PREX1: variants seen among roughly 807,000 people sequenced by gnomAD.
The protein encoded by PREX1 is phosphatidylinositol 3,4,5-trisphosphate-dependent Rac exchanger 1 protein.
PREX1 carries 41 observed loss-of-function variants against 198.3 expected under a neutral mutation model. That is an observed-to-expected ratio of 0.21 (90% confidence interval 0.16 to 0.27). The LOEUF (loss-of-function observed/expected upper bound fraction) is 0.27. Among genes scored for constraint, PREX1 ranks in the 10% least tolerant of loss-of-function variants. The probability of loss-of-function intolerance (pLI) is 1.00; values close to 1 mark genes in which losing one functional copy is unlikely to be tolerated. For missense variants in PREX1, 1,620 were observed against 2,200.7 expected (o/e 0.74, Z 5.28); for synonymous variants, 843 against 887.2 (o/e 0.95, Z 0.89).
At chr20:48,856,478 T>C in the PREX1 span, among the ~76,000 whole-genome samples, 44 of 152,272 alleles carry the variant, frequency 2.9e-4, no homozygotes, top group African/African-American at 9.9e-4. Flanking sequence ...CTTCAAGGAA[T>C]GGAAACAGCA....
At chr20:48,757,071 T>C (rs1460653981) in intron 1 of PREX1, among the ~76,000 whole-genome samples, 2 of 152,174 alleles carry the variant, frequency 1.3e-5, no homozygotes, top group Non-Finnish European at 2.9e-5. Flanking sequence ...ATGGGAATTA[T>C]GGGAGCTACA....
intron 3 of PREX1, among the ~76,000 whole-genome samples, chr20:48,737,608 A>G (rs1002707282): frequency 4.6e-5 from 7 of 152,320 alleles, no homozygotes; most frequent in South Asian, 2.1e-4. Context: ...CCCAGGGACC[A>G]TAAGTGAGCA....
Position 48,827,371 on chromosome 20 carries a change from G to A in PREX1, c.219+271C>T, listed in dbSNP as rs1285318236. Among the ~76,000 whole-genome samples, 2 of 152,372 alleles carry A rather than the reference G, an allele frequency of 1.3e-5. No individual in the cohort carries two copies. Among genetic ancestry groups the A allele is most frequent in the South Asian group, 2.1e-4 (1 of 4,828 alleles). ...AATTTTAAAACTATTTGAAAGGCGG[G>A]GACGGGGAAGAAAAGACAAAAGGGC... is the stretch of plus-strand genomic sequence containing the variant. On this transcript the variant is annotated intron_variant, in intron 1 of 39. Transcript: ENST00000371941. This position sits in a 1 kb window ranked among gnomAD's most constrained non-coding sequence, Gnocchi z 4.1.
At chr20:48,797,057 T>C (rs1380900869) in intron 1 of PREX1, among the ~76,000 whole-genome samples, 1 of 152,014 alleles carries the variant, frequency 6.6e-6, no homozygotes, top group Non-Finnish European at 1.5e-5. Context: ...TGGTGTATTG[T>C]ACATTTTGCA....
At chr20:48,658,774 G>C (rs1033893639) in intron 16 of PREX1, among the ~76,000 whole-genome samples, 2 of 152,164 alleles carry the variant, frequency 1.3e-5, no homozygotes. Flanking sequence ...GCACTTAATG[G>C]GATAGGGCAC....
chr20:48,787,423 A>G (rs2090318185), intron 1 of PREX1, among the ~76,000 whole-genome samples: 1 of 152,274 alleles, frequency 6.6e-6, no homozygotes, highest in Non-Finnish European at 1.5e-5. Flanking sequence ...AACATCACAC[A>G]TTACAAGTGT....
At chr20:48,834,899 G>A in the PREX1 span, among the ~76,000 whole-genome samples, 1 of 151,974 alleles carries the variant, frequency 6.6e-6, no homozygotes, top group Non-Finnish European at 1.5e-5. Context: ...TTGGATTACA[G>A]GCACCTGCCA....
At chr20:48,861,979 G>T in the PREX1 span, among the ~76,000 whole-genome samples, 4 of 152,178 alleles carry the variant, frequency 2.6e-5, no homozygotes, top group African/African-American at 9.7e-5. Flanking sequence ...AGAGGCTAAG[G>T]TGGGCAGATC....
At position 48,664,986 on chromosome 20, in the gene PREX1, CCCAGACGGCCTGAATTCTAATCCCGACT is replaced by C. The variant is rs1372545777; in HGVS notation, c.1738+1269_1738+1296del. On this transcript the variant is annotated intron_variant, in intron 15 of 39. Coordinates refer to ENST00000371941, the MANE Select transcript of PREX1 (RefSeq NM_020820.4). The stretch of plus-strand genomic sequence containing the variant: ...CAGACGGCCTGAATTCTAATCCCGC[CCCAGACGGCCTGAATTCTAATCCCGACT>C]CCAGACGGCCTGAATTCTAATCCCG... 1.4e-3 allele frequency among the ~76,000 whole-genome samples: 194 copies of C among 137,528 alleles called. 6 individuals carry two copies. The highest frequency in any genetic ancestry group is 0.014 in the East Asian group (52 of 3,848). 90.2% of individuals were successfully genotyped at this position (137,528 alleles called of 152,430 possible).
chr20:48,767,071 G>A (rs1333648159), intron 1 of PREX1, among the ~76,000 whole-genome samples: 4 of 152,146 alleles, frequency 2.6e-5, no homozygotes, highest in Non-Finnish European at 5.9e-5. Context: ...CCACAGACTC[G>A]CTGTGGGACC....
intron 1 of PREX1, among the ~76,000 whole-genome samples, chr20:48,783,139 A>G (rs2090297242): frequency 6.6e-6 from 1 of 152,202 alleles, no homozygotes; most frequent in Admixed American, 6.5e-5. Context: ...AGAAGGATAC[A>G]TGCCTGATAT....
intron 1 of PREX1, among the ~76,000 whole-genome samples, chr20:48,769,793 C>A (rs1366518974): frequency 1.3e-5 from 2 of 152,238 alleles, no homozygotes; most frequent in Admixed American, 6.5e-5. Context: ...ACTGCCACAT[C>A]TTCCCAGCAG....
intron 5 of PREX1, among the ~76,000 whole-genome samples, chr20:48,713,022 G>A (rs1411956086): frequency 6.6e-6 from 1 of 152,236 alleles, no homozygotes; most frequent in Non-Finnish European, 1.5e-5. Context: ...TACTTGGGAG[G>A]CTGAGGGAGG....
chr20:48,834,497 A>G, the PREX1 span, among the ~76,000 whole-genome samples: 1 of 151,692 alleles, frequency 6.6e-6, no homozygotes, highest in Non-Finnish European at 1.5e-5. Flanking sequence ...AAACAGCCAC[A>G]CCCTCTCCAA....
At chr20:48,730,413 C>CCACACACA (rs71827793) in intron 4 of PREX1, among the ~76,000 whole-genome samples, 129 of 146,794 alleles carry the variant, frequency 8.8e-4, no homozygotes, top group African/African-American at 2.6e-3. Context: ...GCAAAAGCCA[C>CCACACACA]CACACACACA....
Position 48,627,021 on chromosome 20 carries a change from G to A in PREX1, c.4937+527C>T, listed in dbSNP as rs529621661. 4.6e-5 allele frequency among the ~76,000 whole-genome samples: 7 copies of A among 152,266 alleles called. No homozygotes were observed. In the South Asian group the frequency reaches 8.3e-4, roughly 18 times the overall value. On this transcript the variant is annotated intron_variant, in intron 39 of 39. Coordinates refer to ENST00000371941, the MANE Select transcript of PREX1 (RefSeq NM_020820.4). ...AAACAGCACTCCCCATGCCAAAGAC[G>A]GCAGGAACAGAGAGCATTCCTGCAA...
At chr20:48,873,589 G>T in the PREX1 span, among the ~76,000 whole-genome samples, 3 of 150,346 alleles carry the variant, frequency 2.0e-5, no homozygotes, top group African/African-American at 7.3e-5. Context: ...GTATGGTGGC[G>T]GGCGCCTATA....
At chr20:48,627,420 G>A in intron 39 of PREX1, 128 bp downstream of exon 39, 1 of 1,055,334 alleles carries the variant, frequency 9.5e-7, no homozygotes. Context: ...CCTCAAAGAG[G>A]TTCCCCATAA....
chr20:48,646,143 G>A lies in PREX1; in HGVS notation c.3306-86C>T. ...GAAAATCCCACCAGCAGCTGCAGGT[G>A]TGAGCACTGGCCCTCCTGTTGGGGG... is the stretch of plus-strand genomic sequence containing the variant. On this transcript the variant is annotated intron_variant, in intron 25 of 39. Transcript: ENST00000371941. 2.2e-6 allele frequency: 3 copies of A among 1,343,566 alleles called. No homozygotes were observed. The South Asian group carries it at 3.6e-5, about 16-fold the overall frequency. 83.2% of individuals were successfully genotyped at this position (1,343,566 alleles called of 1,614,324 possible).
Sources: gnomAD v4.1 joint callset for allele counts (sites outside exome capture counted in the v4.1 genomes callset) on GRCh38, gnomAD v4.1.1 for gene constraint, Gnocchi (gnomAD v3.1) non-coding constraint, MANE v1.5 for transcripts, NCBI Gene and HGNC (gene_info 2026-07-23, HGNC 2026-07-21) for gene names.